Variants in CTTNBP2 observed in about 807,000 individuals in gnomAD.
The protein encoded by CTTNBP2 is cortactin-binding protein 2.
A neutral mutation model predicts 156.9 loss-of-function variants in CTTNBP2; 108 were observed. That is an observed-to-expected ratio of 0.69 (90% CI 0.59 to 0.81). The LOEUF is 0.81. Among genes scored for constraint, CTTNBP2 ranks in the 30% least tolerant of loss-of-function variants. The pLI, the probability that CTTNBP2 is intolerant of heterozygous loss-of-function variation, is 0.00. For synonymous variants in CTTNBP2, 767 were observed against 751.8 expected, an observed-to-expected ratio of 1.02 and a Z score of -0.33; for missense variants, 1,924 against 2,035.4, an observed-to-expected ratio of 0.95 and a Z score of 1.05.
At position 117,760,799 on chromosome 7, in the gene CTTNBP2, AT is replaced by A. The variant is rs1433559490; in HGVS notation, c.2897-90del. The A allele has an allele frequency of 8.1e-6, 7 of 861,310 alleles. No individual in the cohort carries two copies. The East Asian group carries it at 1.9e-4, about 23-fold the overall frequency. 53.4% of individuals were successfully genotyped at this position (861,310 alleles called of 1,614,324 possible). On this transcript the variant is annotated intron_variant, in intron 9 of 22. Transcript: ENST00000160373. The stretch of plus-strand genomic sequence containing the variant: ...TTACATAAAATAAGCAGATATAAAC[AT>A]TTAAAAATTATAAACCAAAGCTATT...
intron 9 of CTTNBP2, among the ~76,000 whole-genome samples, chr7:117,766,786 G>C (rs1452432395): frequency 6.6e-6 from 1 of 152,156 alleles, no homozygotes; most frequent in African/African-American, 2.4e-5. Context: ...ATCTAAGTCA[G>C]AAGAAAAATG....
At chr7:117,854,092 G>A (rs1233213188) in intron 2 of CTTNBP2, among the ~76,000 whole-genome samples, 5 of 152,142 alleles carry the variant, frequency 3.3e-5, no homozygotes, top group South Asian at 2.1e-4. Context: ...TCTGAAAACT[G>A]ATTTGCTTGC....
chr7:117,842,815 A>T (rs1195370915), intron 2 of CTTNBP2, among the ~76,000 whole-genome samples: 1 of 152,232 alleles, frequency 6.6e-6, no homozygotes, highest in Admixed American at 6.5e-5. Flanking sequence ...TATATTTAAC[A>T]AGGAAAATTT....
At chr7:117,864,671 CATATATTT>C (rs1803997217) in intron 1 of CTTNBP2, among the ~76,000 whole-genome samples, 1 of 99,306 alleles carries the variant, frequency 1.0e-5, no homozygotes, top group Non-Finnish European at 2.4e-5. Flanking sequence ...AATATATATT[CATATATTT>C]ATATATATTC....
At chr7:117,812,820 C>A (rs2111205) in intron 2 of CTTNBP2, among the ~76,000 whole-genome samples, 2 of 151,898 alleles carry the variant, frequency 1.3e-5, no homozygotes, top group African/African-American at 2.4e-5. Flanking sequence ...TATGTTTTTT[C>A]CTAATCGTTT....
chr7:117,795,560 T>C (rs1230264819), intron 3 of CTTNBP2, among the ~76,000 whole-genome samples: 1 of 152,224 alleles, frequency 6.6e-6, no homozygotes. Context: ...GTGTCAGTCA[T>C]GGCAATCACT....
At chr7:117,717,626 C>G (rs1198929195) in intron 22 of CTTNBP2, among the ~76,000 whole-genome samples, 1 of 151,930 alleles carries the variant, frequency 6.6e-6, no homozygotes, top group African/African-American at 2.4e-5. Flanking sequence ...CTTAGTAGCC[C>G]TCTAGGTTAT....
At chr7:117,776,942 T>C (rs1798137034) in intron 8 of CTTNBP2, among the ~76,000 whole-genome samples, 1 of 152,248 alleles carries the variant, frequency 6.6e-6, no homozygotes, top group Admixed American at 6.5e-5. Context: ...TGCTAACACA[T>C]ATTAATGCTA....
intron 3 of CTTNBP2, among the ~76,000 whole-genome samples, chr7:117,804,801 T>C (rs1349789543): frequency 1.3e-5 from 2 of 152,142 alleles, no homozygotes; most frequent in Admixed American, 1.3e-4. Context: ...TCAGGAAGGA[T>C]AGCTAATGCA....
chr7:117,714,838 G>A (rs942482810), intron 22 of CTTNBP2, among the ~76,000 whole-genome samples: 1 of 152,170 alleles, frequency 6.6e-6, no homozygotes. Flanking sequence ...CCTGAAAAGT[G>A]CTCCTGACAC....
In CTTNBP2 at chr7:117,767,049, C is replaced by T. The variant is rs1271962276; in HGVS notation, c.2896+10G>A. The T allele has an allele frequency of 2.9e-6, 4 of 1,389,632 alleles. No homozygotes were observed. Among genetic ancestry groups the T allele is most frequent in the Admixed American group, 3.3e-5 (2 of 59,726 alleles). 86.1% of individuals were successfully genotyped at this position (1,389,632 alleles called of 1,614,324 possible). On this transcript the variant is annotated intron_variant, in intron 9 of 22. Transcript: ENST00000160373. ...GGAAAGATAAACAATAAGCTCTGAA[C>T]ATCACTCACTCAGATTCTCCAGCAA...
At chr7:117,854,973 T>C (rs527696656) in intron 2 of CTTNBP2, among the ~76,000 whole-genome samples, 4 of 151,962 alleles carry the variant, frequency 2.6e-5, no homozygotes, top group Non-Finnish European at 5.9e-5. Context: ...TTAGTAGAGA[T>C]AGGGTTTCAC....
chr7:117,766,092 CATA>C (rs1240516541), intron 9 of CTTNBP2, among the ~76,000 whole-genome samples: 1 of 151,990 alleles, frequency 6.6e-6, no homozygotes, highest in Non-Finnish European at 1.5e-5. Context: ...ATTTACATTC[CATA>C]ATAAAATTTT....
At chr7:117,825,635 T>C (rs1046988093) in intron 2 of CTTNBP2, among the ~76,000 whole-genome samples, 2 of 152,210 alleles carry the variant, frequency 1.3e-5, no homozygotes, top group Admixed American at 6.5e-5. Context: ...GATTTGGATA[T>C]AGAATCTGTC....
intron 2 of CTTNBP2, among the ~76,000 whole-genome samples, chr7:117,833,300 T>A (rs575688680): frequency 6.6e-6 from 1 of 152,332 alleles, no homozygotes; most frequent in South Asian, 2.1e-4. Flanking sequence ...TCCTGACTGA[T>A]CCTGGTGCTT....
intron 16 of CTTNBP2, among the ~76,000 whole-genome samples, chr7:117,729,392 GACTTTCTAGTAACCACAT>G (rs1420372478): frequency 3.3e-5 from 5 of 152,148 alleles, no homozygotes; most frequent in African/African-American, 1.2e-4. Context: ...CCAATAAATA[GACTTTCTAGTAACCACAT>G]GTTTTTATTT....
At chr7:117,834,534 G>A (rs1563053456) in intron 2 of CTTNBP2, among the ~76,000 whole-genome samples, 1 of 152,202 alleles carries the variant, frequency 6.6e-6, no homozygotes, top group East Asian at 1.9e-4. Flanking sequence ...GGAAATGATG[G>A]GAAAGTGCAG....
chr7:117,760,244 AG>A (rs2093042613), intron 10 of CTTNBP2, 190 bp downstream of exon 10: 5 of 587,452 alleles, frequency 8.5e-6, no homozygotes, highest in Non-Finnish European at 1.5e-5. Context: ...GGGGCATAAA[AG>A]CATTTTTATA....
intron 2 of CTTNBP2, among the ~76,000 whole-genome samples, chr7:117,846,390 G>A (rs1444854757): frequency 6.6e-6 from 1 of 152,008 alleles, no homozygotes; most frequent in East Asian, 1.9e-4. Flanking sequence ...GTAGGTTTAT[G>A]GGTAAATCTT....
Sources: allele counts gnomAD v4.1 joint callset (sites outside exome capture counted in the v4.1 genomes callset), GRCh38; gene constraint gnomAD v4.1.1; transcripts MANE v1.5; gene names NCBI Gene and HGNC (gene_info 2026-07-23, HGNC 2026-07-21).